GCNT1: variants seen among roughly 807,000 people sequenced by gnomAD.
The protein encoded by GCNT1 is beta-1,3-galactosyl-O-glycosyl-glycoprotein beta-1,6-N-acetylglucosaminyltransferase.
In GCNT1, 16 loss-of-function variants were observed where a neutral mutation model predicts 26.2. The observed-to-expected ratio is 0.61, with a 90% CI of 0.41 to 0.93. GCNT1 has a LOEUF of 0.93. Among genes scored for constraint, GCNT1 ranks in the 40% least tolerant of loss-of-function variants. The pLI, the probability that GCNT1 is intolerant of heterozygous loss-of-function variation, is 0.00. For synonymous variants in GCNT1, 183 were observed against 190.8 expected (o/e 0.96, Z 0.34); for missense variants, 477 against 526.7 (o/e 0.91, Z 0.92).
chr9:76,464,504 A>G (rs1450142639), intron 2 of GCNT1, among the ~76,000 whole-genome samples: 1 of 152,198 alleles, frequency 6.6e-6, no homozygotes, highest in Non-Finnish European at 1.5e-5. Context: ...GGTGTAAGCC[A>G]CCATCCCTGG....
At chr9:76,463,295 A>T (rs761619355) in intron 2 of GCNT1, among the ~76,000 whole-genome samples, 2 of 152,242 alleles carry the variant, frequency 1.3e-5, no homozygotes, top group African/African-American at 2.4e-5. Context: ...AAGAATTTGA[A>T]CATGGTGACC....
At chr9:76,493,546 G>A (rs1824811130) in intron 2 of GCNT1, among the ~76,000 whole-genome samples, 1 of 152,156 alleles carries the variant, frequency 6.6e-6, no homozygotes, top group African/African-American at 2.4e-5. Flanking sequence ...CCTGGGTTGG[G>A]CCAAATTCCC....
At chr9:76,459,529 C>G (rs1176808829) in intron 1 of GCNT1, among the ~76,000 whole-genome samples, 1 of 152,038 alleles carries the variant, frequency 6.6e-6, no homozygotes, top group Non-Finnish European at 1.5e-5. Context: ...GGGGCTGGGA[C>G]GCCGGTGCCC....
At chr9:76,438,997 C>G (rs148965664), upstream of GCNT1, among the ~76,000 whole-genome samples, 113 of 152,260 alleles carry the variant, frequency 7.4e-4, 4 homozygotes, top group South Asian at 0.015. Context: ...TTGACCACAA[C>G]ACTCTTTTCT....
intron 2 of GCNT1, among the ~76,000 whole-genome samples, chr9:76,467,788 C>G (rs1171490497): frequency 6.6e-6 from 1 of 150,870 alleles, no homozygotes; most frequent in Admixed American, 6.6e-5. Context: ...GTATCCAAAG[C>G]AGGAAGCGAA....
chr9:76,421,580 G>A (rs1370588198), intron 1 of GCNT1, among the ~76,000 whole-genome samples: 5 of 120,954 alleles, frequency 4.1e-5, no homozygotes, highest in Admixed American at 9.5e-5. Context: ...CAGCCTGGAT[G>A]AGAGAGCAAG....
chr9:76,396,834 G>A, the GCNT1 span, among the ~76,000 whole-genome samples: 1 of 152,178 alleles, frequency 6.6e-6, no homozygotes. Flanking sequence ...GCGAGACTCT[G>A]TCTCAGCCAG....
chr9:76,493,962 GCAGGT>G (rs1172087092), intron 2 of GCNT1, among the ~76,000 whole-genome samples: 23 of 152,134 alleles, frequency 1.5e-4, no homozygotes, highest in African/African-American at 5.6e-4. Context: ...TTCAGGGTTT[GCAGGT>G]CAGATTGTCC....
At chr9:76,442,443 G>A (rs2985283) in intron 1 of GCNT1, 2,631 of 152,432 alleles carry the variant, frequency 0.017, 38 homozygotes, top group Non-Finnish European at 0.028. Flanking sequence ...CACTTTGGGA[G>A]GCTGAGGTGG....
chr9:76,394,522 C>A, the GCNT1 span: 4 of 192,990 alleles, frequency 2.1e-5, no homozygotes, highest in Non-Finnish European at 4.2e-5. Flanking sequence ...CCGAACGCCT[C>A]GAGCCCGCTC....
the GCNT1 span, among the ~76,000 whole-genome samples, chr9:76,405,366 T>C: frequency 3.7e-5 from 5 of 134,278 alleles, no homozygotes; most frequent in East Asian, 1.9e-4. Flanking sequence ...ATGTACATGT[T>C]ACAACTGATA....
upstream of GCNT1, among the ~76,000 whole-genome samples, chr9:76,458,724 T>C (rs1823806360): frequency 6.6e-6 from 1 of 152,142 alleles, no homozygotes; most frequent in African/African-American, 2.4e-5. Context: ...GAAATACACA[T>C]GAATGTAATG....
chr9:76,480,862 C>G (rs1349884676), intron 2 of GCNT1, among the ~76,000 whole-genome samples: 2 of 151,934 alleles, frequency 1.3e-5, no homozygotes, highest in Non-Finnish European at 2.9e-5. Flanking sequence ...TTAATTTCAT[C>G]TAACTTAGAG....
chr9:76,420,360 G>A (rs539524449), intron 1 of GCNT1: 1 of 152,304 alleles, frequency 6.6e-6, no homozygotes, highest in East Asian at 1.9e-4. Context: ...CTGCAGCCTT[G>A]AACTCCTGGG....
intron 1 of GCNT1, among the ~76,000 whole-genome samples, chr9:76,431,966 G>A (rs538990392): frequency 2.6e-5 from 4 of 152,232 alleles, no homozygotes; most frequent in African/African-American, 4.8e-5. Context: ...AAAATTAGCC[G>A]GGTGTGGTCA....
the GCNT1 span, among the ~76,000 whole-genome samples, chr9:76,414,762 A>G: frequency 6.6e-6 from 1 of 152,162 alleles, no homozygotes; most frequent in Non-Finnish European, 1.5e-5. Flanking sequence ...AGAAGTGAGG[A>G]CAACCAGAGG....
At chr9:76,476,807 A>T (rs1824263802) in intron 2 of GCNT1, among the ~76,000 whole-genome samples, 1 of 152,178 alleles carries the variant, frequency 6.6e-6, no homozygotes, top group Admixed American at 6.5e-5. Flanking sequence ...CTTTCATGAC[A>T]CTAAACTCAA....
chr9:76,405,377 T>C, the GCNT1 span, among the ~76,000 whole-genome samples: 1 of 148,500 alleles, frequency 6.7e-6, no homozygotes, highest in Non-Finnish European at 1.5e-5. Context: ...ACAACTGATA[T>C]ATGTGCATTG....
chr9:76,413,653 G>GTTTTTT, the GCNT1 span, among the ~76,000 whole-genome samples: 11 of 118,656 alleles, frequency 9.3e-5, no homozygotes, highest in East Asian at 2.7e-4. Flanking sequence ...GTTTTGTTTT[G>GTTTTTT]TTTTTTTTTT....
Sources: allele counts gnomAD v4.1 joint callset (sites outside exome capture counted in the v4.1 genomes callset), GRCh38; gene constraint gnomAD v4.1.1; transcripts MANE v1.5; gene names NCBI Gene and HGNC (gene_info 2026-07-23, HGNC 2026-07-21).